ANAPC1: variants seen among roughly 807,000 people sequenced by gnomAD.
ANAPC1 encodes the protein anaphase-promoting complex subunit 1.
Under a neutral mutation model 208.0 loss-of-function variants are expected in ANAPC1, and 36 were observed. The ratio of observed to expected loss-of-function variants is 0.17; its 90% CI spans 0.13 to 0.23. ANAPC1 has a LOEUF of 0.23. ANAPC1 is among the 10% of genes least tolerant of loss of function. ANAPC1 has a pLI of 1.00. For missense variants in ANAPC1, 942 were observed against 2,011.6 expected (o/e 0.47, Z 10.17); for synonymous variants, 378 against 695.2 (o/e 0.54, Z 7.18).
Position 111,880,788 on chromosome 2 carries a change from G to A in ANAPC1, c.38C>T (p.Ala13Val), listed in dbSNP as rs763837876. 6.2e-7 allele frequency: 1 copy of A among 1,613,882 alleles called. No individual in the cohort carries two copies. Among genetic ancestry groups the A allele is most frequent in the Non-Finnish European group, 8.5e-7 (1 of 1,179,862 alleles). Residue 13 changes from alanine (A) to valine (V), a missense_variant, in exon 2 of 48, where the codon GCA becomes GTA. By Grantham distance (64) the Ala-to-Val change is moderately conservative. Transcript: ENST00000341068. Reference sequence around the variant, plus strand: ...AACAAATTCCTGCAAATCCCTTGCTGCAATCATCGTTGTCCTTTCTTCATA... The same window carrying A: ...AACAAATTCCTGCAAATCCCTTGCTACAATCATCGTTGTCCTTTCTTCATA... ...NFYEERTTMI[A>V]ARDLQEFVPF...
At chr2:111,823,997 A>ATTTT (rs201375006) in intron 24 of ANAPC1, among the ~76,000 whole-genome samples, 37,725 of 127,370 alleles carry the variant, frequency 0.3, 6,607 homozygotes, top group South Asian at 0.41. Context: ...TCATATTTAA[A>ATTTT]TTTATCCTCA....
chr2:111,777,284 G>A (rs1677043098), intron 45 of ANAPC1, among the ~76,000 whole-genome samples: 1 of 152,154 alleles, frequency 6.6e-6, no homozygotes, highest in Non-Finnish European at 1.5e-5. Flanking sequence ...GCAGGGAAAA[G>A]TAACAAAGGT....
At chr2:111,782,944 T>C (rs1456689539) in intron 42 of ANAPC1, among the ~76,000 whole-genome samples, 2 of 152,156 alleles carry the variant, frequency 1.3e-5, no homozygotes, top group African/African-American at 4.8e-5. Flanking sequence ...AAAAATCACA[T>C]TGGGACCAAA....
intron 13 of ANAPC1, 34 bp downstream of exon 13, chr2:111,856,580 C>T (rs758135121): frequency 6.4e-7 from 1 of 1,567,764 alleles, no homozygotes; most frequent in South Asian, 1.1e-5. Flanking sequence ...GCCTGAAGTC[C>T]TACTAAAGGC....
At chr2:111,788,794 T>C (rs554093505) in intron 38 of ANAPC1, among the ~76,000 whole-genome samples, 1 of 151,932 alleles carries the variant, frequency 6.6e-6, no homozygotes, top group Non-Finnish European at 1.5e-5. Flanking sequence ...TGAAGCATGA[T>C]GATTCCTTTA....
At chr2:111,839,709 A>G (rs537855210) in intron 17 of ANAPC1, among the ~76,000 whole-genome samples, 646 of 152,360 alleles carry the variant, frequency 4.2e-3, no homozygotes, top group Non-Finnish European at 6.3e-3. Context: ...AACAAATATA[A>G]CAGTAACTAT....
chr2:111,816,105 T>A (rs1418949235), intron 27 of ANAPC1, among the ~76,000 whole-genome samples: 2 of 149,744 alleles, frequency 1.3e-5, no homozygotes, highest in Admixed American at 1.3e-4. Flanking sequence ...AAATGACATC[T>A]TAAGAAAAGA....
At chr2:111,852,580 T>G (rs1681464241) in intron 13 of ANAPC1, among the ~76,000 whole-genome samples, 2 of 152,216 alleles carry the variant, frequency 1.3e-5, no homozygotes, top group Non-Finnish European at 2.9e-5. Context: ...TTCTAGATGC[T>G]GAGGATTTTT....
At chr2:111,868,962 C>G (rs939589520) in intron 6 of ANAPC1, among the ~76,000 whole-genome samples, 72 of 152,210 alleles carry the variant, frequency 4.7e-4, no homozygotes, top group African/African-American at 1.7e-3. Flanking sequence ...TGCACCACAA[C>G]ATGCCTGACA....
At chr2:111,828,642 T>C (rs1262491961) in intron 21 of ANAPC1, among the ~76,000 whole-genome samples, 24 of 152,230 alleles carry the variant, frequency 1.6e-4, no homozygotes, top group Non-Finnish European at 2.9e-5. Context: ...TGATACATGC[T>C]ACAATATGGA....
Position 111,832,937 on chromosome 2 carries a change from CAAA to C in ANAPC1, c.2476+280_2476+282del, listed in dbSNP as rs908553180. 8.5e-3 allele frequency among the ~76,000 whole-genome samples: 455 copies of C among 53,620 alleles called. 27 individuals carry two copies. Among genetic ancestry groups the C allele is most frequent in the Admixed American group, 0.046 (166 of 3,588 alleles). 35.2% of individuals were successfully genotyped at this position (53,620 alleles called of 152,430 possible). On this transcript the variant is annotated intron_variant, in intron 20 of 47. Transcript: ENST00000341068. ...TGGGTGACAGAGCGAGACTCAGTCT[CAAA>C]AAAAAAAAAAAAAAAAGCATCCTTG...
downstream of ANAPC1, chr2:111,767,561 G>C: frequency 6.5e-6 from 1 of 154,176 alleles, no homozygotes; most frequent in Non-Finnish European, 1.4e-5. Context: ...CTCTTTTAAA[G>C]CTGATATTTG....
intron 46 of ANAPC1, among the ~76,000 whole-genome samples, 200 bp from the exon 47 acceptor site, chr2:111,772,675 C>T (rs1234411575): frequency 1.3e-5 from 2 of 151,346 alleles, no homozygotes; most frequent in African/African-American, 4.9e-5. Flanking sequence ...TTGGGGGAGA[C>T]AGATATTACA....
chr2:111,794,983 G>A, intron 34 of ANAPC1, 89 bp from the exon 35 acceptor site: 1 of 1,294,278 alleles, frequency 7.7e-7, no homozygotes, highest in South Asian at 1.4e-5. Flanking sequence ...TGCTTATCAT[G>A]GCTATATTTA....
Position 111,856,629 on chromosome 2 carries a change from G to A in ANAPC1, c.1500C>T (p.Tyr500=), listed in dbSNP as rs1681737075. 6.2e-7 allele frequency: 1 copy of A among 1,613,838 alleles called. No homozygotes were observed. Among genetic ancestry groups the A allele is most frequent in the Non-Finnish European group, 8.5e-7 (1 of 1,179,788 alleles). The part of the protein sequence containing the change: ...VLEGSGNLVL[Y]TGVVRVGKVF... ...TATTGCTTACCCGAACCACTCCTGT[G>A]TATAGCACCAGGTTTCCACTGCCTT... Residue 500 remains tyrosine (Y), a synonymous_variant, in exon 13 of 48, where the codon TAC becomes TAT. Coordinates refer to ENST00000341068, the MANE Select transcript of ANAPC1 (RefSeq NM_022662.4).
chr2:111,791,057 T>C (rs535947992), intron 38 of ANAPC1, among the ~76,000 whole-genome samples: 2 of 152,374 alleles, frequency 1.3e-5, no homozygotes, highest in South Asian at 4.1e-4. Context: ...AGTTTTATGT[T>C]ATGTGTATTT....
chr2:111,775,412 C>T (rs538315707), intron 46 of ANAPC1, among the ~76,000 whole-genome samples: 1 of 152,310 alleles, frequency 6.6e-6, no homozygotes, highest in South Asian at 2.1e-4. Context: ...GATTTTTACA[C>T]ACAAATATGA....
At chr2:111,868,626 G>A (rs375842976) in intron 6 of ANAPC1, among the ~76,000 whole-genome samples, 40 of 152,186 alleles carry the variant, frequency 2.6e-4, no homozygotes, top group African/African-American at 7.9e-4. Context: ...CACCTCCCAC[G>A]TTCAAGCGAT....
Position 111,864,707 on chromosome 2 carries a change from C to T in ANAPC1, c.831+99G>A, listed in dbSNP as rs1682305815. 3.2e-6 allele frequency: 5 copies of T among 1,576,754 alleles called. No homozygotes were observed. The South Asian group carries it at 5.6e-5, about 18-fold the overall frequency. ...GAACGTCCTGACCTCAAGTGATCCG[C>T]CTGCCTTGGCCTCCCAAAATGCTAG... On this transcript the variant is annotated intron_variant, in intron 8 of 47. Transcript: ENST00000341068.
Sources: gnomAD v4.1 joint callset for allele counts (sites outside exome capture counted in the v4.1 genomes callset) on GRCh38, gnomAD v4.1.1 for gene constraint, MANE v1.5 for transcripts, NCBI Gene and HGNC (gene_info 2026-07-23, HGNC 2026-07-21) for gene names.